Variants in SLCO6A1 observed in about 807,000 individuals in gnomAD.
SLCO6A1 encodes the protein cancer/testis antigen 48.
Under a neutral mutation model 72.7 loss-of-function variants are expected in SLCO6A1, and 65 were observed. The ratio of observed to expected loss-of-function variants is 0.89; its 90% CI spans 0.73 to 1.10. The LOEUF (loss-of-function observed/expected upper bound fraction) is 1.10, where lower values mean the gene tolerates loss of function less well. Ranked by LOEUF, SLCO6A1 falls within the 50% of genes least tolerant of loss-of-function variation. The pLI is 0.00. For synonymous variants in SLCO6A1, 314 were observed against 298.2 expected, an observed-to-expected ratio of 1.05 and a Z score of -0.55; for missense variants, 874 against 872.6, an observed-to-expected ratio of 1.00 and a Z score of -0.02.
chr5:102,474,060 C>A (rs972701407), intron 4 of SLCO6A1, among the ~76,000 whole-genome samples: 1 of 151,662 alleles, frequency 6.6e-6, no homozygotes, highest in Non-Finnish European at 1.5e-5. Flanking sequence ...ATTCCAATGG[C>A]GTTTTTTACA....
intron 6 of SLCO6A1, among the ~76,000 whole-genome samples, chr5:102,439,350 A>G (rs1034126029): frequency 6.6e-6 from 1 of 152,120 alleles, no homozygotes; most frequent in African/African-American, 2.4e-5. Context: ...CTAATATACT[A>G]CACAGAGTAA....
In SLCO6A1 at chr5:102,498,721, A is replaced by C. The variant is rs753347509; in HGVS notation, c.124T>G (p.Ser42Ala). ...TACCGGTGTTTTTTCCCGGGCTTCGAGGACTTCGGGGTTCCCTTGGCCCTC... is the reference window on the plus strand; with the variant it reads ...TACCGGTGTTTTTTCCCGGGCTTCGCGGACTTCGGGGTTCCCTTGGCCCTC... Reference protein sequence around the residue: ...DRRAKGTPKSSKPGKKHRYLR... With the variant: ...DRRAKGTPKSAKPGKKHRYLR... Residue 42 changes from serine (S) to alanine (A), a missense_variant, in exon 1 of 14, where the codon TCG becomes GCG. Physicochemically the swap from Ser to Ala is moderately conservative, Grantham distance 99 (BLOSUM62 1). Coordinates refer to ENST00000506729, the MANE Select transcript of SLCO6A1 (RefSeq NM_173488.5). The C allele has an allele frequency of 9.3e-6, 15 of 1,614,052 alleles. No individual in the cohort carries two copies. Among genetic ancestry groups the C allele is most frequent in the Non-Finnish European group, 1.3e-5 (15 of 1,180,004 alleles).
intron 1 of SLCO6A1, 63 bp downstream of exon 1, chr5:102,498,407 TCCGCCATACTCCCTCTC>T (rs1753005746): frequency 2.9e-6 from 4 of 1,388,152 alleles, no homozygotes; most frequent in Non-Finnish European, 3.9e-6. Context: ...CAGGGCGTCC[TCCGCCATACTCCCTCTC>T]CCGCCTCCGC....
At chr5:102,456,956 C>T (rs1299147125) in intron 6 of SLCO6A1, among the ~76,000 whole-genome samples, 1 of 152,164 alleles carries the variant, frequency 6.6e-6, no homozygotes, top group Non-Finnish European at 1.5e-5. Flanking sequence ...CACATATCTA[C>T]AACCATCTGA....
chr5:102,477,655 A>C (rs1751973190), intron 3 of SLCO6A1, 21 bp downstream of exon 3: 1 of 1,601,668 alleles, frequency 6.2e-7, no homozygotes, highest in Non-Finnish European at 8.5e-7. Context: ...GGTCAATCGT[A>C]ATAGAGGGGG....
chr5:102,406,636 T>G (rs1747683752), intron 9 of SLCO6A1, among the ~76,000 whole-genome samples: 1 of 152,112 alleles, frequency 6.6e-6, no homozygotes, highest in South Asian at 2.1e-4. Flanking sequence ...ATAGCAGAGT[T>G]AATAGTAAGA....
In SLCO6A1 at chr5:102,498,860, G is replaced by T; in HGVS notation, c.-16C>A. On this transcript the variant is annotated 5_prime_UTR_variant, in exon 1 of 14. Transcript: ENST00000506729. ...CTACGAACATGGCTCACCCTGGGCGGCTCCTGGCGACGCGGCCCGAGTGCT... is the reference window on the plus strand; with the variant it reads ...CTACGAACATGGCTCACCCTGGGCGTCTCCTGGCGACGCGGCCCGAGTGCT... 6.3e-7 allele frequency: 1 copy of T among 1,589,422 alleles called. No homozygotes were observed. The highest frequency in any genetic ancestry group is 1.1e-5 in the South Asian group (1 of 89,858).
chr5:102,427,871 T>C (rs949170566), intron 7 of SLCO6A1, among the ~76,000 whole-genome samples: 24 of 109,888 alleles, frequency 2.2e-4, no homozygotes, highest in Non-Finnish European at 4.0e-4. Flanking sequence ...TATATTTTTT[T>C]TTTTTTTTTT....
intron 6 of SLCO6A1, among the ~76,000 whole-genome samples, chr5:102,445,704 T>C (rs11958303): frequency 0.027 from 4,160 of 152,304 alleles, 180 homozygotes; most frequent in African/African-American, 0.094. Context: ...ATACTTTAGA[T>C]TTTACTTTTA....
intron 12 of SLCO6A1, among the ~76,000 whole-genome samples, chr5:102,378,522 G>A (rs909612193): frequency 6.6e-6 from 1 of 152,104 alleles, no homozygotes; most frequent in African/African-American, 2.4e-5. Context: ...CCCTACTTAT[G>A]ATTCCTCAGG....
At position 102,459,670 on chromosome 5, in the gene SLCO6A1, G is replaced by A; in HGVS notation, c.1007C>T (p.Pro336Leu). Residue 336 changes from proline to leucine, a missense_variant, in exon 5 of 14, where the codon CCA becomes CTA. Pro to Leu is a moderately conservative substitution (Grantham distance 98). Coordinates refer to ENST00000506729, the MANE Select transcript of SLCO6A1 (RefSeq NM_173488.5). ...WCTLIPLSCF[P>L]NNMPGSTRIK... ...TTTATAGTCACCTGGCATATTGTTTGGAAAGCATGACAATGGTATTAATGT... is the reference window on the plus strand; with the variant it reads ...TTTATAGTCACCTGGCATATTGTTTAGAAAGCATGACAATGGTATTAATGT... 6.3e-7 allele frequency: 1 copy of A among 1,585,884 alleles called. No homozygotes were observed. The highest frequency in any genetic ancestry group is 8.5e-7 in the Non-Finnish European group (1 of 1,171,736).
At position 102,391,026 on chromosome 5, in the gene SLCO6A1, G is replaced by A. The variant is rs1253100524; in HGVS notation, c.1834C>T (p.Arg612Cys). 5.6e-6 allele frequency: 9 copies of A among 1,613,304 alleles called. No individual in the cohort carries two copies. The East Asian group carries it at 6.7e-5, about 12-fold the overall frequency. Reference sequence around the variant, plus strand: ...TAGCTTACACCCAAGGCCAGAGAACGCAGTTTGTCAGGTACAACCCTGAAA... The same window carrying A: ...TAGCTTACACCCAAGGCCAGAGAACACAGTTTGTCAGGTACAACCCTGAAA... ...AMTRVVPDKLRSLALGVSYVI... is the reference protein window; with the variant it reads ...AMTRVVPDKLCSLALGVSYVI... The change falls in exon 11 of 14, where the codon CGT becomes TGT. Residue 612 changes from arginine to cysteine, a missense_variant. Arg to Cys is a radical substitution (Grantham distance 180, BLOSUM62 -3). Transcript: ENST00000506729.
intron 6 of SLCO6A1, among the ~76,000 whole-genome samples, chr5:102,443,798 G>A (rs996335212): frequency 2.0e-5 from 3 of 152,154 alleles, no homozygotes; most frequent in African/African-American, 4.8e-5. Flanking sequence ...GACAGGGAAA[G>A]GTGAAAGCCA....
intron 8 of SLCO6A1, among the ~76,000 whole-genome samples, chr5:102,415,953 A>G (rs1485976553): frequency 6.6e-6 from 1 of 152,206 alleles, no homozygotes; most frequent in Admixed American, 6.5e-5. Flanking sequence ...GGTGTATGAC[A>G]AATGCTCAAC....
At chr5:102,438,423 AC>A in intron 7 of SLCO6A1, 193 bp downstream of exon 7, 1 of 391,132 alleles carries the variant, frequency 2.6e-6, no homozygotes, top group Non-Finnish European at 4.6e-6. Flanking sequence ...AAGGAGGAAC[AC>A]GGAAGTTTTT....
At chr5:102,389,457 C>CCCCG (rs34181415) in intron 11 of SLCO6A1, among the ~76,000 whole-genome samples, 1 of 83,458 alleles carries the variant, frequency 1.2e-5, no homozygotes, top group African/African-American at 4.7e-5. Context: ...CCCCCACCCC[C>CCCCG]ACACACACAG....
chr5:102,438,717 T>C lies in SLCO6A1; in HGVS notation c.1176A>G (p.Lys392=). The change falls in exon 7 of 14, where the codon AAA becomes AAG. Residue 392 remains lysine (K), a synonymous_variant. Transcript: ENST00000506729. The part of the protein sequence containing the change: ...NPVLICLALS[K]ATEYLVIIGA... Reference sequence around the variant, plus strand: ...CAATAATAACTAAATATTCTGTAGCTTTTGACAGAGCTAGGCATATGAGCA... The same window carrying C: ...CAATAATAACTAAATATTCTGTAGCCTTTGACAGAGCTAGGCATATGAGCA... 6.3e-7 allele frequency: 1 copy of C among 1,592,382 alleles called. No individual in the cohort carries two copies. Among genetic ancestry groups the C allele is most frequent in the Non-Finnish European group, 8.5e-7 (1 of 1,171,232 alleles).
chr5:102,490,748 G>T (rs749209190), intron 1 of SLCO6A1, among the ~76,000 whole-genome samples: 1 of 152,034 alleles, frequency 6.6e-6, no homozygotes, highest in African/African-American at 2.4e-5. Context: ...GGAGTTGTTC[G>T]TTCCTCCTGG....
chr5:102,443,627 G>A (rs1749958087), intron 6 of SLCO6A1, among the ~76,000 whole-genome samples: 1 of 152,180 alleles, frequency 6.6e-6, no homozygotes. Flanking sequence ...ACATTATACA[G>A]AGCATGGTAA....
Sources: gnomAD v4.1 joint callset for allele counts (sites outside exome capture counted in the v4.1 genomes callset) on GRCh38, gnomAD v4.1.1 for gene constraint, MANE v1.5 for transcripts, NCBI Gene and HGNC (gene_info 2026-07-23, HGNC 2026-07-21) for gene names.